OOEP: variants seen among roughly 807,000 people sequenced by gnomAD.
The protein encoded by OOEP is oocyte-expressed protein homolog.
OOEP carries 16 observed loss-of-function variants against 13.7 expected under a neutral mutation model. The observed-to-expected ratio is 1.16, with a 90% CI of 0.79 to 1.77. OOEP has a LOEUF of 1.77. Among genes scored for constraint, OOEP ranks in the 40% most tolerant of loss-of-function variants. The pLI, the probability that OOEP is intolerant of heterozygous loss-of-function variation, is 0.00. For missense variants in OOEP, 195 were observed against 193.1 expected (o/e 1.01, Z -0.06); for synonymous variants, 89 against 77.1 (o/e 1.15, Z -0.81).
At chr6:73,379,143 GC>G (rs1769169331) in intron 2 of OOEP, among the ~76,000 whole-genome samples, 1 of 151,558 alleles carries the variant, frequency 6.6e-6, no homozygotes, top group Non-Finnish European at 1.5e-5. Context: ...TCCTGCCTCA[GC>G]CTCCTGAGTA....
chr6:73,373,265 G>A (rs1769088469), upstream of OOEP: 8 of 1,605,788 alleles, frequency 5.0e-6, no homozygotes, highest in Non-Finnish European at 6.0e-6. Flanking sequence ...AGAAGACATG[G>A]CGAGCAGCGG....
chr6:73,389,701 G>A (rs1769320128), intron 2 of OOEP, among the ~76,000 whole-genome samples: 1 of 147,938 alleles, frequency 6.8e-6, no homozygotes, highest in African/African-American at 2.5e-5. Flanking sequence ...TTGTGGGGTG[G>A]GGGGAGGGGG....
chr6:73,379,638 CAA>C (rs370843381), intron 2 of OOEP, among the ~76,000 whole-genome samples: 3 of 17,740 alleles, frequency 1.7e-4, no homozygotes, highest in Admixed American at 7.5e-4. Flanking sequence ...GACTCTATCT[CAA>C]AAAAAAAAAA....
chr6:73,381,261 C>T (rs951664339), intron 2 of OOEP, among the ~76,000 whole-genome samples: 2 of 140,174 alleles, frequency 1.4e-5, no homozygotes, highest in Non-Finnish European at 3.1e-5. Context: ...GAGTAAGTTC[C>T]AGAACATAAA....
intron 2 of OOEP, among the ~76,000 whole-genome samples, chr6:73,386,563 TGAAA>T: frequency 6.6e-6 from 1 of 152,320 alleles, no homozygotes; most frequent in Non-Finnish European, 1.5e-5. Flanking sequence ...AAAACCTTGA[TGAAA>T]GAATTAAAGA....
chr6:73,382,696 A>G (rs1262486784), intron 2 of OOEP, among the ~76,000 whole-genome samples: 1 of 151,790 alleles, frequency 6.6e-6, no homozygotes, highest in Admixed American at 6.6e-5. Context: ...GACTACAGGC[A>G]TGCACCACCA....
At chr6:73,376,524 G>T (rs28416559) in intron 2 of OOEP, among the ~76,000 whole-genome samples, 1 of 151,746 alleles carries the variant, frequency 6.6e-6, no homozygotes, top group Non-Finnish European at 1.5e-5. Flanking sequence ...TCAGGCTGGA[G>T]TGCAATGGCA....
intron 2 of OOEP, among the ~76,000 whole-genome samples, chr6:73,390,685 T>C (rs1036913967): frequency 1.3e-5 from 2 of 151,558 alleles, no homozygotes; most frequent in Admixed American, 6.6e-5. Context: ...CAGGCAATTC[T>C]CCTGCCTCAG....
At chr6:73,369,930 G>C, upstream of OOEP, 1 of 714,544 alleles carries the variant, frequency 1.4e-6, no homozygotes, top group Non-Finnish European at 2.3e-6. Flanking sequence ...ACCGCGTCGG[G>C]GTGAGCGGGT....
At chr6:73,369,909 C>G (rs916735710), upstream of OOEP, 4 of 935,782 alleles carry the variant, frequency 4.3e-6, no homozygotes, top group Non-Finnish European at 6.4e-6. Context: ...CCCCTTCCGG[C>G]GGCGCCTCGC....
chr6:73,370,371 A>G (rs563961132), upstream of OOEP, among the ~76,000 whole-genome samples: 19 of 152,364 alleles, frequency 1.2e-4, no homozygotes, highest in Non-Finnish European at 2.1e-4. Flanking sequence ...AGGTGGTCTT[A>G]TAGAACATGT....
chr6:73,394,864 A>G, exon 1 of OOEP: 2 of 1,605,160 alleles, frequency 1.2e-6, no homozygotes, highest in Non-Finnish European at 1.7e-6. Flanking sequence ...GGTGGTGCAG[A>G]GCTGGACGGC....
chr6:73,388,453 C>T, intron 2 of OOEP, among the ~76,000 whole-genome samples: 1 of 152,154 alleles, frequency 6.6e-6, no homozygotes. Flanking sequence ...CAAATGTATG[C>T]AGTGAACACG....
intron 2 of OOEP, among the ~76,000 whole-genome samples, chr6:73,390,454 CCTTATA>C (rs1769331335): frequency 6.6e-6 from 1 of 152,014 alleles, no homozygotes; most frequent in African/African-American, 2.4e-5. Flanking sequence ...GCAGAGCTTC[CCTTATA>C]CTTTAAATCA....
At chr6:73,372,095 G>A (rs754731220), upstream of OOEP, among the ~76,000 whole-genome samples, 8 of 152,098 alleles carry the variant, frequency 5.3e-5, no homozygotes, top group South Asian at 8.3e-4. Context: ...GTGACAGAGC[G>A]AGACCCTAAA....
At chr6:73,387,979 C>T (rs1043655034) in intron 2 of OOEP, among the ~76,000 whole-genome samples, 1 of 152,208 alleles carries the variant, frequency 6.6e-6, no homozygotes, top group Non-Finnish European at 1.5e-5. Context: ...CAGCGATTCT[C>T]ATGCCTCAGT....
chr6:73,382,591 G>C (rs1391741038), intron 2 of OOEP, among the ~76,000 whole-genome samples: 1 of 151,824 alleles, frequency 6.6e-6, no homozygotes, highest in Admixed American at 6.6e-5. Context: ...AAACTCCTGG[G>C]CTCAAATGAT....
At chr6:73,375,170 A>G (rs915918115) in intron 2 of OOEP, among the ~76,000 whole-genome samples, 1 of 152,186 alleles carries the variant, frequency 6.6e-6, no homozygotes, top group Non-Finnish European at 1.5e-5. Context: ...GACATACTTG[A>G]GTAGCTTTGG....
At chr6:73,378,553 G>A (rs1266182629) in intron 2 of OOEP, among the ~76,000 whole-genome samples, 2 of 151,658 alleles carry the variant, frequency 1.3e-5, no homozygotes, top group Admixed American at 6.6e-5. Context: ...AACTCAGAAA[G>A]AAAATCTATA....
Sources: gnomAD v4.1 joint callset for allele counts (sites outside exome capture counted in the v4.1 genomes callset) on GRCh38, gnomAD v4.1.1 for gene constraint, MANE v1.5 for transcripts, NCBI Gene and HGNC (gene_info 2026-07-23, HGNC 2026-07-21) for gene names.